The following RBFOX1 variants were observed in gnomAD, a reference collection of about 807,000 sequenced individuals.
RBFOX1 encodes the protein RNA binding protein fox-1 homolog 1.
A neutral mutation model predicts 57.7 loss-of-function variants in RBFOX1; 8 were observed. The ratio of observed to expected loss-of-function variants is 0.14; its 90% CI spans 0.08 to 0.25. The LOEUF is 0.25. Among genes scored for constraint, RBFOX1 ranks in the 10% least tolerant of loss-of-function variants. The pLI is 1.00. For missense variants in RBFOX1, 611 were observed against 548.5 expected, an observed-to-expected ratio of 1.11 and a Z score of -1.14; for synonymous variants, 326 against 222.4, an observed-to-expected ratio of 1.47 and a Z score of -4.15.
At chr16:5,488,086 A>G (rs1375098079) in intron 2 of RBFOX1, among the ~76,000 whole-genome samples, 2 of 150,288 alleles carry the variant, frequency 1.3e-5, no homozygotes, top group African/African-American at 2.5e-5. Flanking sequence ...ATGGAGGATT[A>G]TGGTGATGAT....
intron 1 of RBFOX1, among the ~76,000 whole-genome samples, chr16:5,397,134 G>A (rs932884779): frequency 6.6e-6 from 1 of 152,234 alleles, no homozygotes; most frequent in Non-Finnish European, 1.5e-5. Flanking sequence ...AGAAGCAAGA[G>A]CAAAGTGAAA....
At chr16:6,477,763 G>GAAGA (rs1443212931) in intron 2 of RBFOX1, among the ~76,000 whole-genome samples, 2 of 152,210 alleles carry the variant, frequency 1.3e-5, no homozygotes, top group African/African-American at 4.8e-5. Flanking sequence ...TCTTCCAAGA[G>GAAGA]AAGACTGTTT....
intron 1 of RBFOX1, among the ~76,000 whole-genome samples, chr16:6,169,137 T>C (rs1265960927): frequency 6.6e-6 from 1 of 152,204 alleles, no homozygotes; most frequent in East Asian, 1.9e-4. Context: ...GCAAGGGGAT[T>C]GCATTGATCT....
chr16:7,704,184 A>G (rs890343989), intron 14 of RBFOX1, among the ~76,000 whole-genome samples: 6 of 152,190 alleles, frequency 3.9e-5, no homozygotes, highest in Non-Finnish European at 8.8e-5. Context: ...CAAGTCCTGA[A>G]TCTCCAAGCC....
chr16:7,634,569 G>T lies in RBFOX1; in HGVS notation c.757+3886G>T, dbSNP rs568920392. ...TTGATATGCATTTTTGCATAACAGT[G>T]AGGTTTTCTCCCCCATTAAGTGAAT... is the stretch of plus-strand genomic sequence containing the variant. On this transcript the variant is annotated intron_variant, in intron 11 of 15. Coordinates refer to ENST00000550418, the MANE Select transcript of RBFOX1 (RefSeq NM_018723.4). 1.2e-4 allele frequency among the ~76,000 whole-genome samples: 19 copies of T among 152,220 alleles called. No individual in the cohort carries two copies. The South Asian group carries it at 3.7e-3, about 30-fold the overall frequency.
intron 3 of RBFOX1, among the ~76,000 whole-genome samples, chr16:6,897,893 C>A (rs1057119679): frequency 5.3e-5 from 8 of 152,168 alleles, no homozygotes; most frequent in Non-Finnish European, 1.0e-4. Context: ...ATCCCCAATT[C>A]CCTGGAGCTC....
intron 3 of RBFOX1, among the ~76,000 whole-genome samples, chr16:7,006,100 A>C (rs1429349850): frequency 1.3e-5 from 2 of 152,176 alleles, no homozygotes; most frequent in Non-Finnish European, 2.9e-5. Flanking sequence ...ATACAGGTGT[A>C]CATTTAAACA....
At chr16:7,534,470 C>G (rs1363635909) in intron 5 of RBFOX1, among the ~76,000 whole-genome samples, 1 of 152,090 alleles carries the variant, frequency 6.6e-6, no homozygotes, top group Non-Finnish European at 1.5e-5. Flanking sequence ...ATGCCTTTCT[C>G]TGAAGCTTAC....
At chr16:5,999,420 A>C (rs183241895) in intron 4 of RBFOX1, among the ~76,000 whole-genome samples, 239 of 152,328 alleles carry the variant, frequency 1.6e-3, no homozygotes, top group Non-Finnish European at 2.6e-3. Flanking sequence ...GCATCTTGTA[A>C]ATACTTATTT....
intron 4 of RBFOX1, among the ~76,000 whole-genome samples, chr16:7,109,752 G>A (rs570662965): frequency 2.0e-5 from 3 of 152,042 alleles, no homozygotes; most frequent in African/African-American, 4.8e-5. Context: ...CCAAAAAATC[G>A]AGATGACTCC....
chr16:6,752,054 G>A (rs1436432208), intron 3 of RBFOX1, among the ~76,000 whole-genome samples: 1 of 152,102 alleles, frequency 6.6e-6, no homozygotes, highest in African/African-American at 2.4e-5. Flanking sequence ...CTTCAGAAAG[G>A]TGTTAATTTC....
At chr16:6,256,230 T>G (rs2097664270) in intron 1 of RBFOX1, among the ~76,000 whole-genome samples, 1 of 63,748 alleles carries the variant, frequency 1.6e-5, no homozygotes. Context: ...TGTATATATA[T>G]ATGTGTATAT....
At chr16:7,182,318 CA>C (rs1225082676) in intron 4 of RBFOX1, among the ~76,000 whole-genome samples, 2 of 150,546 alleles carry the variant, frequency 1.3e-5, no homozygotes, top group Non-Finnish European at 1.5e-5. Flanking sequence ...TGCCCCCCTG[CA>C]AAAAAAAAGA....
chr16:6,826,092 G>A (rs754028166), intron 3 of RBFOX1, among the ~76,000 whole-genome samples: 2 of 152,078 alleles, frequency 1.3e-5, no homozygotes, highest in East Asian at 1.9e-4. Context: ...CAGGTCTCCC[G>A]CTAGCTGTTT....
At chr16:6,591,730 T>C (rs1455381976) in intron 2 of RBFOX1, among the ~76,000 whole-genome samples, 1 of 152,198 alleles carries the variant, frequency 6.6e-6, no homozygotes, top group African/African-American at 2.4e-5. Context: ...CTATTATATT[T>C]AATTGGAAAA....
intron 1 of RBFOX1, among the ~76,000 whole-genome samples, chr16:5,349,054 A>G (rs976750978): frequency 5.9e-5 from 9 of 152,174 alleles, no homozygotes; most frequent in South Asian, 2.1e-4. Context: ...AGGGGCTCCA[A>G]TTTCTCCACA....
intron 4 of RBFOX1, among the ~76,000 whole-genome samples, chr16:7,077,635 T>TC: frequency 6.6e-6 from 1 of 152,326 alleles, no homozygotes; most frequent in South Asian, 2.1e-4. Flanking sequence ...TTATAATTTG[T>TC]ACCGTATTAG....
chr16:5,477,581 T>G (rs2069374314), intron 2 of RBFOX1, among the ~76,000 whole-genome samples: 1 of 152,218 alleles, frequency 6.6e-6, no homozygotes, highest in Admixed American at 6.5e-5. Context: ...ATGGGACAAC[T>G]AATAGGGTTC....
At chr16:5,774,764 C>T (rs2054091888) in intron 3 of RBFOX1, among the ~76,000 whole-genome samples, 1 of 152,192 alleles carries the variant, frequency 6.6e-6, no homozygotes, top group South Asian at 2.1e-4. Context: ...CTCACGGCAA[C>T]TTCCACCTCC....
Sources: gnomAD v4.1 joint callset for allele counts (sites outside exome capture counted in the v4.1 genomes callset) on GRCh38, gnomAD v4.1.1 for gene constraint, MANE v1.5 for transcripts, NCBI Gene and HGNC (gene_info 2026-07-23, HGNC 2026-07-21) for gene names.